IFITM10: variants seen among roughly 807,000 people sequenced by gnomAD.
IFITM10 encodes the protein interferon induced transmembrane protein 10.
Under a neutral mutation model 19.0 loss-of-function variants are expected in IFITM10, and 17 were observed. That is an observed-to-expected ratio of 0.90 (90% CI 0.61 to 1.34). The LOEUF is 1.34. Ranked by LOEUF, IFITM10 falls within the 40% of genes most tolerant of loss-of-function variation. The pLI is 0.00. For missense variants in IFITM10, 306 were observed against 319.8 expected, an observed-to-expected ratio of 0.96 and a Z score of 0.33; for synonymous variants, 148 against 147.2, an observed-to-expected ratio of 1.01 and a Z score of -0.04.
At chr11:1,746,219 TCA>T (rs1418590512) in intron 2 of IFITM10, 13 of 208,622 alleles carry the variant, frequency 6.2e-5, no homozygotes, top group African/African-American at 2.4e-4. Flanking sequence ...ACACACGCCC[TCA>T]CACACTTGTG....
chr11:1,748,333 G>A (rs2133651359), intron 1 of IFITM10: 2 of 416,742 alleles, frequency 4.8e-6, no homozygotes, highest in African/African-American at 2.1e-5. Flanking sequence ...AGGGACCTGG[G>A]GCTTTCATCA....
intron 2 of IFITM10, among the ~76,000 whole-genome samples, chr11:1,737,898 G>C (rs1429852222): frequency 6.6e-6 from 1 of 152,144 alleles, no homozygotes; most frequent in East Asian, 1.9e-4. Context: ...TTGGATACTT[G>C]GAGTGAGGAA....
rs72850952 is a variant in IFITM10, at chr11:1,742,602, T to C, written c.537+5065A>G. On this transcript the variant is annotated intron_variant, in intron 2 of 2. Transcript: ENST00000340134. ...AAGGGTGAATAGATGTGTTGCCACA[T>C]GAGGTCACAGGATGGAGGGATGATT... Among the ~76,000 whole-genome samples, 913 of 152,196 alleles carry C rather than the reference T, an allele frequency of 6.0e-3. 4 individuals are homozygous for C. Among genetic ancestry groups the C allele is most frequent in the Non-Finnish European group, 0.011 (766 of 67,988 alleles).
At position 1,748,088 on chromosome 11, in the gene IFITM10, AGC is replaced by A; in HGVS notation, c.114_115del (p.Leu39GlyfsTer53). ...GTCCGTGGTGCTGGCCGGGTCTCCC[AGC>A]GGGGCTGGGCACTGGCCGGGGCCCT... is the stretch of plus-strand genomic sequence containing the variant. On this transcript the variant is annotated frameshift_variant, in exon 2 of 3. Coordinates refer to ENST00000340134, the MANE Select transcript of IFITM10 (RefSeq NM_001170820.4). LOFTEE classifies it high-confidence loss of function. 1 of 1,409,820 alleles carries A rather than the reference AGC, an allele frequency of 7.1e-7. No individual in the cohort carries two copies. Among genetic ancestry groups the A allele is most frequent in the Non-Finnish European group, 9.2e-7 (1 of 1,089,262 alleles). The allele number at this position is 1,409,820 out of a possible 1,614,324, so 87.3% of individuals were successfully genotyped here. A position where few individuals can be genotyped will look rare whatever the true frequency, so the allele number is the denominator to read the frequency against.
chr11:1,736,355 A>T (rs1202573054), intron 2 of IFITM10, among the ~76,000 whole-genome samples: 1 of 152,114 alleles, frequency 6.6e-6, no homozygotes, highest in Non-Finnish European at 1.5e-5. Context: ...CAGAGGATAG[A>T]TGTGTGGTCA....
chr11:1,742,417 G>A (rs915297956), intron 2 of IFITM10, among the ~76,000 whole-genome samples: 1 of 152,206 alleles, frequency 6.6e-6, no homozygotes, highest in African/African-American at 2.4e-5. Context: ...TTAGAGACAA[G>A]GTGGATGAGG....
chr11:1,734,385 C>CCCTAT lies in IFITM10; in HGVS notation c.*894_*895insATAGG. 6.6e-6 allele frequency: 1 copy of CCCTAT among 152,238 alleles called. No individual in the cohort carries two copies. Among genetic ancestry groups the CCCTAT allele is most frequent in the Admixed American group, 6.5e-5 (1 of 15,280 alleles). 9.4% of individuals were successfully genotyped at this position (152,238 alleles called of 1,614,324 possible). Reference sequence around the variant, plus strand: ...GAAAGGCCATTTTCCTATTTTACAGCTAAGGAGATGGGCACGAGAGAGGTA... The same window carrying CCCTAT: ...GAAAGGCCATTTTCCTATTTTACAGCCCTATTAAGGAGATGGGCACGAGAGAGGTA... On this transcript the variant is annotated 3_prime_UTR_variant, in exon 3 of 3. Transcript: ENST00000340134.
chr11:1,738,848 CAGG>C (rs1206687261), intron 2 of IFITM10, among the ~76,000 whole-genome samples: 20 of 151,868 alleles, frequency 1.3e-4, no homozygotes, highest in Non-Finnish European at 2.8e-4. Context: ...ATCATGAGGT[CAGG>C]AGTTCAAGAC....
chr11:1,747,339 A>G (rs573397110), intron 2 of IFITM10, among the ~76,000 whole-genome samples: 32 of 152,120 alleles, frequency 2.1e-4, no homozygotes, highest in African/African-American at 7.5e-4. Flanking sequence ...ATGTCCCCTG[A>G]GCCTGAGCAA....
chr11:1,736,632 A>ATGGAATGGATGGAGTGAAGTGGG (rs1851089776), intron 2 of IFITM10, among the ~76,000 whole-genome samples: 1 of 151,454 alleles, frequency 6.6e-6, no homozygotes, highest in Non-Finnish European at 1.5e-5. Flanking sequence ...AGTGAAGTGG[A>ATGGAATGGATGGAGTGAAGTGGG]TGGAATGGAT....
In IFITM10 at chr11:1,747,795, G is replaced by T. The variant is rs1384848198; in HGVS notation, c.409C>A (p.Pro137Thr). The change falls in exon 2 of 3, where the codon CCC (proline) becomes ACC (threonine). Residue 137 changes from proline to threonine, a missense_variant. Transcript: ENST00000340134. ...HLAEKKTMTN[P>T]TTVIEVYPDT... ...GGGTAGACCTCGATGACGGTCGTGG[G>T]GTTGGTCATCGTCTTCTTCTCGGCT... 3.9e-6 allele frequency: 6 copies of T among 1,551,318 alleles called. No homozygotes were observed. The East Asian group carries it at 9.8e-5, about 25-fold the overall frequency.
At chr11:1,737,561 G>A (rs1281528662) in intron 2 of IFITM10, among the ~76,000 whole-genome samples, 1 of 152,158 alleles carries the variant, frequency 6.6e-6, no homozygotes, top group African/African-American at 2.4e-5. Context: ...CCAGGGTTGT[G>A]GGAAAGGCTT....
At chr11:1,739,070 A>AT (rs1851117452) in intron 2 of IFITM10, among the ~76,000 whole-genome samples, 1 of 151,218 alleles carries the variant, frequency 6.6e-6, no homozygotes, top group South Asian at 2.1e-4. Flanking sequence ...AAAAAAAAAA[A>AT]AAAAAAAAAA....
intron 2 of IFITM10, among the ~76,000 whole-genome samples, chr11:1,742,875 G>A: frequency 6.6e-6 from 1 of 152,106 alleles, no homozygotes; most frequent in Admixed American, 6.5e-5. Flanking sequence ...ACGGAGGGAG[G>A]ATGAACAGAT....
In IFITM10 at chr11:1,735,385, C is replaced by A; in HGVS notation, c.582G>T (p.Glu194Asp). ...TGAACAGCCGGGCCGTCTTTGCATC[C>A]TCCACGGCTCCATTCAGGTCATTGA... ...KLLNDLNGAV[E>D]DAKTARLFNI... Residue 194 changes from glutamate (E) to aspartate (D), a missense_variant, in exon 3 of 3, where the codon GAG becomes GAT. Coordinates refer to ENST00000340134, the MANE Select transcript of IFITM10 (RefSeq NM_001170820.4). 9 of 1,551,726 alleles carry A rather than the reference C, an allele frequency of 5.8e-6. No individual in the cohort carries two copies. The highest frequency in any genetic ancestry group is 7.0e-6 in the Non-Finnish European group (8 of 1,146,986).
chr11:1,745,671 G>A (rs994438412), intron 2 of IFITM10: 1 of 150,038 alleles, frequency 6.7e-6, no homozygotes, highest in Non-Finnish European at 1.5e-5. Context: ...ACACACGTGT[G>A]ATTACACACA....
At chr11:1,746,264 GTAA>G (rs1845647990) in intron 2 of IFITM10, 1 of 253,998 alleles carries the variant, frequency 3.9e-6, no homozygotes, top group Non-Finnish European at 7.0e-6. Context: ...GCCCACCCAC[GTAA>G]TTACACACAT....
intron 2 of IFITM10, among the ~76,000 whole-genome samples, chr11:1,735,848 A>G (rs1224853812): frequency 2.6e-5 from 4 of 152,228 alleles, no homozygotes; most frequent in Non-Finnish European, 5.9e-5. Flanking sequence ...GGATGGGGCG[A>G]CACAACTGTC....
intron 2 of IFITM10, among the ~76,000 whole-genome samples, chr11:1,740,506 A>G (rs1320850912): frequency 1.3e-5 from 2 of 151,894 alleles, no homozygotes; most frequent in Non-Finnish European, 2.9e-5. Flanking sequence ...AAAGCATGGA[A>G]CTTGACATGA....
Sources: allele counts gnomAD v4.1 joint callset (sites outside exome capture counted in the v4.1 genomes callset), GRCh38; gene constraint gnomAD v4.1.1; transcripts MANE v1.5; gene names NCBI Gene and HGNC (gene_info 2026-07-23, HGNC 2026-07-21).